MEGF11: variants seen among roughly 807,000 people sequenced by gnomAD.
MEGF11 encodes the protein multiple EGF like domains 11.
Under a neutral mutation model 146.6 loss-of-function variants are expected in MEGF11, and 126 were observed. The observed-to-expected ratio is 0.86, with a 90% CI of 0.74 to 1.00. The LOEUF (loss-of-function observed/expected upper bound fraction) is 1.00, where lower values mean the gene tolerates loss of function less well. Ranked by LOEUF, MEGF11 falls within the 50% of genes least tolerant of loss-of-function variation. MEGF11 has a pLI of 0.00. For missense variants in MEGF11, 1,509 were observed against 1,521.2 expected, an observed-to-expected ratio of 0.99 and a Z score of 0.13; for synonymous variants, 532 against 583.4, an observed-to-expected ratio of 0.91 and a Z score of 1.27.
intron 23 of MEGF11, 39 bp downstream of exon 23, chr15:65,908,995 T>C (rs2078711939): frequency 2.2e-6 from 3 of 1,344,550 alleles, no homozygotes; most frequent in East Asian, 5.0e-5. Flanking sequence ...CTGGGTCTGG[T>C]CTGGCATGAG....
At chr15:66,133,580 G>A (rs576988230) in intron 1 of MEGF11, among the ~76,000 whole-genome samples, 1 of 152,084 alleles carries the variant, frequency 6.6e-6, no homozygotes, top group Non-Finnish European at 1.5e-5. Flanking sequence ...CCTCTGCCCT[G>A]GCTCTCTCAG....
chr15:66,228,268 G>C (rs1355344661), intron 1 of MEGF11, among the ~76,000 whole-genome samples: 1 of 152,082 alleles, frequency 6.6e-6, no homozygotes, highest in Non-Finnish European at 1.5e-5. Context: ...ATTCAAGTAG[G>C]AGAGTCAATA....
intron 5 of MEGF11, among the ~76,000 whole-genome samples, chr15:65,997,564 C>T (rs932368239): frequency 7.2e-5 from 11 of 152,100 alleles, no homozygotes; most frequent in Non-Finnish European, 1.0e-4. Context: ...TTCTTTAAAG[C>T]GCTTATTCTA....
chr15:66,064,064 G>T (rs1251256185), intron 5 of MEGF11, among the ~76,000 whole-genome samples: 1 of 152,106 alleles, frequency 6.6e-6, no homozygotes, highest in South Asian at 2.1e-4. Flanking sequence ...TTGATGAAAC[G>T]CCATAGCAAC....
intron 5 of MEGF11, among the ~76,000 whole-genome samples, chr15:65,988,195 G>A (rs527335242): frequency 1.3e-5 from 2 of 151,676 alleles, no homozygotes; most frequent in African/African-American, 4.8e-5. Flanking sequence ...TTTTTGTAGG[G>A]ATGGGATTTC....
intron 5 of MEGF11, among the ~76,000 whole-genome samples, chr15:65,996,209 T>G (rs1392330359): frequency 6.6e-6 from 1 of 152,134 alleles, no homozygotes; most frequent in Non-Finnish European, 1.5e-5. Context: ...GCCTTCCATC[T>G]CTCAGAGTCA....
chr15:65,967,112 G>A (rs974260624), intron 8 of MEGF11: 1 of 152,176 alleles, frequency 6.6e-6, no homozygotes, highest in African/African-American at 2.4e-5. Flanking sequence ...AAAATGGGAC[G>A]ATACTCACTA....
At chr15:66,227,220 G>A (rs774351027) in intron 1 of MEGF11, among the ~76,000 whole-genome samples, 2 of 152,080 alleles carry the variant, frequency 1.3e-5, no homozygotes, top group African/African-American at 2.4e-5. Flanking sequence ...ACCTCACTGA[G>A]TCCCTGCTGT....
intron 7 of MEGF11, among the ~76,000 whole-genome samples, chr15:65,975,920 G>GAACA (rs1378346646): frequency 6.6e-6 from 1 of 152,142 alleles, no homozygotes; most frequent in African/African-American, 2.4e-5. Flanking sequence ...CTGGCTGGAA[G>GAACA]AACAGCCTTT....
At chr15:65,947,354 T>TG in intron 10 of MEGF11, among the ~76,000 whole-genome samples, 1 of 152,146 alleles carries the variant, frequency 6.6e-6, no homozygotes, top group East Asian at 1.9e-4. Flanking sequence ...GCAGATTTTG[T>TG]GGGGGGACTA....
intron 5 of MEGF11, among the ~76,000 whole-genome samples, chr15:65,997,364 A>C (rs1044098457): frequency 3.9e-5 from 6 of 152,184 alleles, no homozygotes; most frequent in Non-Finnish European, 8.8e-5. Context: ...CTTGATTGCT[A>C]TGTGCCAGTC....
rs56910946 is a variant in MEGF11, at chr15:66,192,470, A to AAAAATAAAATAAAATAAAAT, written c.-9+61115_-9+61134dup. On this transcript the variant is annotated intron_variant, in intron 1 of 25. Transcript: ENST00000395614. ...GGGTGACAGAGCAAGACTCCATCTCAAAAATAAAATAAAATAAAATAAAAT... is the reference window on the plus strand; with the variant it reads ...GGGTGACAGAGCAAGACTCCATCTCAAAAATAAAATAAAATAAAATAAAATAAAATAAAATAAAATAAAAT... Among the ~76,000 whole-genome samples the AAAAATAAAATAAAATAAAAT allele has an allele frequency of 5.2e-3, 682 of 130,508 alleles. 3 individuals are homozygous for AAAAATAAAATAAAATAAAAT. The highest frequency in any genetic ancestry group is 0.013 in the Admixed American group (158 of 12,012). The allele number at this position is 130,508 out of a possible 152,430, so 85.6% of individuals were successfully genotyped here. A position where few individuals can be genotyped will look rare whatever the true frequency, so the allele number is the denominator to read the frequency against.
intron 5 of MEGF11, among the ~76,000 whole-genome samples, chr15:66,068,918 C>A (rs138272560): frequency 6.6e-6 from 1 of 152,322 alleles, no homozygotes; most frequent in Non-Finnish European, 1.5e-5. Flanking sequence ...GCCCCTCACT[C>A]ACAAATTCAC....
At chr15:65,942,451 G>A (rs1380543626) in intron 10 of MEGF11, among the ~76,000 whole-genome samples, 3 of 152,176 alleles carry the variant, frequency 2.0e-5, no homozygotes, top group Non-Finnish European at 4.4e-5. Context: ...CTAAGATGGC[G>A]GAATAACAGG....
chr15:65,998,475 G>A (rs1051086173), intron 5 of MEGF11, among the ~76,000 whole-genome samples: 2 of 152,178 alleles, frequency 1.3e-5, no homozygotes, highest in Admixed American at 1.3e-4. Context: ...TACACAAACC[G>A]AGACTTCTTA....
At chr15:66,021,478 C>G (rs1171550601) in intron 5 of MEGF11, among the ~76,000 whole-genome samples, 2 of 152,160 alleles carry the variant, frequency 1.3e-5, no homozygotes, top group Admixed American at 6.5e-5. Context: ...CAAAATAAAA[C>G]AAACCAAAAA....
At chr15:66,184,120 T>C (rs986904265) in intron 1 of MEGF11, among the ~76,000 whole-genome samples, 2 of 152,288 alleles carry the variant, frequency 1.3e-5, no homozygotes, top group South Asian at 4.1e-4. Flanking sequence ...TTGGGGGTGA[T>C]GGATATATTC....
At chr15:66,252,859 C>T (rs1042424178) in intron 1 of MEGF11, among the ~76,000 whole-genome samples, 1 of 152,206 alleles carries the variant, frequency 6.6e-6, no homozygotes, top group Admixed American at 6.5e-5. Flanking sequence ...CGGGACCACG[C>T]TCCAGGCGCG....
At chr15:66,118,763 C>A (rs146140366) in intron 4 of MEGF11, among the ~76,000 whole-genome samples, 2 of 152,218 alleles carry the variant, frequency 1.3e-5, no homozygotes, top group Non-Finnish European at 2.9e-5. Context: ...TGCCAGGCAC[C>A]CAGCACTTCT....
Sources: gnomAD v4.1 joint callset for allele counts (sites outside exome capture counted in the v4.1 genomes callset) on GRCh38, gnomAD v4.1.1 for gene constraint, MANE v1.5 for transcripts, NCBI Gene and HGNC (gene_info 2026-07-23, HGNC 2026-07-21) for gene names.